The following TBC1D22A variants were observed in gnomAD, a reference collection of about 807,000 sequenced individuals.
TBC1D22A encodes TBC1 domain family member 22A.
Under a neutral mutation model 60.2 loss-of-function variants are expected in TBC1D22A, and 38 were observed. That is an observed-to-expected ratio of 0.63 (90% CI 0.49 to 0.83). The LOEUF (loss-of-function observed/expected upper bound fraction) is 0.83. Among genes scored for constraint, TBC1D22A ranks in the 40% least tolerant of loss-of-function variants. TBC1D22A has a pLI of 0.00. For synonymous variants in TBC1D22A, 302 were observed against 281.7 expected (o/e 1.07, Z -0.72); for missense variants, 628 against 701.0 (o/e 0.90, Z 1.18).
chr22:47,127,320 C>A (rs190826829), intron 12 of TBC1D22A, among the ~76,000 whole-genome samples: 2 of 150,496 alleles, frequency 1.3e-5, no homozygotes, highest in African/African-American at 4.9e-5. Context: ...CTCCGCCTCC[C>A]GGGTTCAAGC....
intron 8 of TBC1D22A, among the ~76,000 whole-genome samples, chr22:46,966,687 G>T (rs1014498049): frequency 6.6e-6 from 1 of 152,154 alleles, no homozygotes; most frequent in Non-Finnish European, 1.5e-5. Context: ...ACTTTTTACC[G>T]CAGTATCTAT....
intron 11 of TBC1D22A, among the ~76,000 whole-genome samples, chr22:47,073,351 C>T (rs994868133): frequency 1.3e-5 from 2 of 152,180 alleles, no homozygotes; most frequent in Admixed American, 6.5e-5. Context: ...CATAGTAACA[C>T]TCTGCCTTTC....
chr22:47,023,079 G>A (rs566720615), intron 10 of TBC1D22A, among the ~76,000 whole-genome samples: 2 of 152,290 alleles, frequency 1.3e-5, no homozygotes, highest in Middle Eastern at 3.4e-3. Context: ...TGTTAGACTC[G>A]TTAGTTAGGC....
chr22:46,797,448 T>C lies in TBC1D22A; in HGVS notation c.465T>C (p.Ser155=). The C allele has an allele frequency of 6.2e-7, 1 of 1,612,614 alleles. No individual in the cohort carries two copies. Among genetic ancestry groups the C allele is most frequent in the Middle Eastern group, 2.1e-4 (1 of 4,874 alleles). ...CCCATTCTCTCACCCCTGCAGAAAGTGCCAGCGATGCCGCCCCTCTGCAGA... is the reference window on the plus strand; with the variant it reads ...CCCATTCTCTCACCCCTGCAGAAAGCGCCAGCGATGCCGCCCCTCTGCAGA... ...SESHTSCPAE[S]ASDAAPLQRS... Residue 155 remains serine, a synonymous_variant, in exon 4 of 13, where the codon AGT becomes AGC. Transcript: ENST00000337137.
At chr22:46,908,477 G>T (rs569031156) in intron 7 of TBC1D22A, among the ~76,000 whole-genome samples, 1 of 152,300 alleles carries the variant, frequency 6.6e-6, no homozygotes, top group East Asian at 1.9e-4. Flanking sequence ...TTTGTTCAAT[G>T]CTTGAGCTGG....
intron 1 of TBC1D22A, among the ~76,000 whole-genome samples, chr22:46,765,992 TG>T: frequency 7.1e-6 from 1 of 139,872 alleles, no homozygotes; most frequent in Admixed American, 7.3e-5. Flanking sequence ...TGTGTGTGTG[TG>T]TGTGTGTGTG....
At chr22:46,843,592 G>T (rs1226490192) in intron 4 of TBC1D22A, among the ~76,000 whole-genome samples, 1 of 152,026 alleles carries the variant, frequency 6.6e-6, no homozygotes, top group African/African-American at 2.4e-5. Context: ...CTGGGAGTGG[G>T]TATCACGCGT....
intron 11 of TBC1D22A, among the ~76,000 whole-genome samples, chr22:47,065,406 A>G (rs2063717773): frequency 6.6e-6 from 1 of 152,196 alleles, no homozygotes; most frequent in Non-Finnish European, 1.5e-5. Flanking sequence ...GTTCAGTCTC[A>G]CAGGTGGGCT....
At chr22:46,790,159 T>C (rs1308204928) in intron 1 of TBC1D22A, among the ~76,000 whole-genome samples, 5 of 152,270 alleles carry the variant, frequency 3.3e-5, no homozygotes, top group African/African-American at 1.2e-4. Context: ...GGCTGGTTCC[T>C]TCTGGAAGCT....
chr22:46,766,240 T>G (rs954458881), intron 1 of TBC1D22A, among the ~76,000 whole-genome samples: 4 of 152,038 alleles, frequency 2.6e-5, no homozygotes, highest in Non-Finnish European at 2.9e-5. Context: ...CTTGTGATCC[T>G]CCTGCCTCGG....
chr22:46,885,246 A>G (rs142457728), intron 5 of TBC1D22A, among the ~76,000 whole-genome samples: 33 of 152,192 alleles, frequency 2.2e-4, no homozygotes, highest in Non-Finnish European at 3.5e-4. Flanking sequence ...ATTTGTCCCC[A>G]GGTCTTCGGT....
At chr22:47,152,721 G>T (rs527986057) in intron 12 of TBC1D22A, among the ~76,000 whole-genome samples, 1 of 152,218 alleles carries the variant, frequency 6.6e-6, no homozygotes, top group African/African-American at 2.4e-5. Context: ...GATGAGAAAG[G>T]TGGCGTTTTC....
intron 8 of TBC1D22A, among the ~76,000 whole-genome samples, chr22:46,972,690 A>C (rs2074118097): frequency 6.6e-6 from 1 of 152,200 alleles, no homozygotes; most frequent in African/African-American, 2.4e-5. Flanking sequence ...GTGGTGATGC[A>C]AAGGCTCTGG....
At chr22:46,920,703 T>G (rs1408446468) in intron 8 of TBC1D22A, among the ~76,000 whole-genome samples, 1 of 152,244 alleles carries the variant, frequency 6.6e-6, no homozygotes, top group Non-Finnish European at 1.5e-5. Flanking sequence ...TAGAGCACTT[T>G]ATTAGTATTT....
chr22:46,886,416 G>A (rs1354890297), intron 5 of TBC1D22A, among the ~76,000 whole-genome samples: 1 of 152,188 alleles, frequency 6.6e-6, no homozygotes, highest in Non-Finnish European at 1.5e-5. Context: ...TGGAGAGAGT[G>A]TTCTCCTCTG....
At chr22:47,148,629 G>T (rs2067377229) in intron 12 of TBC1D22A, among the ~76,000 whole-genome samples, 1 of 148,876 alleles carries the variant, frequency 6.7e-6, no homozygotes. Context: ...CTCTCCTGGG[G>T]TCCCTCCCTC....
chr22:46,858,464 C>CA (rs199869209), intron 4 of TBC1D22A, among the ~76,000 whole-genome samples: 5 of 152,024 alleles, frequency 3.3e-5, no homozygotes, highest in African/African-American at 7.3e-5. Flanking sequence ...GGCAAACACC[C>CA]CCCCCAGCTC....
intron 10 of TBC1D22A, among the ~76,000 whole-genome samples, chr22:47,014,862 C>T (rs1240823747): frequency 6.6e-6 from 1 of 152,236 alleles, no homozygotes; most frequent in African/African-American, 2.4e-5. Context: ...CCATATTCTG[C>T]CAGGGAGCCT....
chr22:47,038,229 A>G (rs2148401028), intron 11 of TBC1D22A, among the ~76,000 whole-genome samples: 1 of 152,302 alleles, frequency 6.6e-6, no homozygotes, highest in African/African-American at 2.4e-5. Context: ...TCATCCCGGC[A>G]CCTCAAGAGC....
Sources: allele counts gnomAD v4.1 joint callset (sites outside exome capture counted in the v4.1 genomes callset), GRCh38; gene constraint gnomAD v4.1.1; transcripts MANE v1.5; gene names NCBI Gene and HGNC (gene_info 2026-07-23, HGNC 2026-07-21).